Variants in ASH1L observed in about 807,000 individuals in gnomAD.
ASH1L encodes the protein ASH1 like histone lysine methyltransferase.
ASH1L carries 23 observed loss-of-function variants against 269.0 expected under a neutral mutation model. The ratio of observed to expected loss-of-function variants is 0.09; its 90% CI spans 0.06 to 0.12. ASH1L has a LOEUF of 0.12. ASH1L is among the 10% of genes least tolerant of loss of function. ASH1L has a pLI of 1.00. For synonymous variants in ASH1L, 1,187 were observed against 1,253.5 expected (o/e 0.95, Z 1.12); for missense variants, 2,912 against 3,567.8 (o/e 0.82, Z 4.68).
At chr1:155,462,436 T>C (rs1029749608) in intron 3 of ASH1L, among the ~76,000 whole-genome samples, 1 of 152,244 alleles carries the variant, frequency 6.6e-6, no homozygotes, top group African/African-American at 2.4e-5. Context: ...AGAATCACCC[T>C]GCCTGGCCTC....
At chr1:155,434,581 C>T (rs888226301) in intron 5 of ASH1L, among the ~76,000 whole-genome samples, 4 of 151,420 alleles carry the variant, frequency 2.6e-5, no homozygotes, top group Non-Finnish European at 4.4e-5. Flanking sequence ...GGTGGGGCGC[C>T]GTAGCTCACA....
intron 2 of ASH1L, among the ~76,000 whole-genome samples, chr1:155,505,459 C>G (rs1667750011): frequency 6.6e-6 from 1 of 152,140 alleles, no homozygotes; most frequent in South Asian, 2.1e-4. Flanking sequence ...AATGTTGTGA[C>G]TCTGCACTAG....
rs1653683934 is a variant in ASH1L, at chr1:155,349,534, G to A, written c.7421+8C>T. On this transcript the variant is annotated splice_region_variant and intron_variant, in intron 18 of 27. Coordinates refer to ENST00000392403, the MANE Select transcript of ASH1L (RefSeq NM_018489.3). The stretch of plus-strand genomic sequence containing the variant: ...AAACTCAGATGATTCCCACAAATGT[G>A]AACCTACTTTTTCTTTGGGGGAAGG... 1 of 1,613,836 alleles carries A rather than the reference G, an allele frequency of 6.2e-7. No individual in the cohort carries two copies. Among genetic ancestry groups the A allele is most frequent in the African/African-American group, 1.3e-5 (1 of 74,852 alleles).
At position 155,450,111 on chromosome 1, in the gene ASH1L, T is replaced by G. The variant is rs546628755; in HGVS notation, c.5086+9686A>C. On this transcript the variant is annotated intron_variant, in intron 4 of 27. Transcript: ENST00000392403. Reference sequence around the variant, plus strand: ...GACATCATTCCATTGTGTTTTGGCTTGTAAAATTTCTGACAATATGTCTGC... The same window carrying G: ...GACATCATTCCATTGTGTTTTGGCTGGTAAAATTTCTGACAATATGTCTGC... 2.6e-5 allele frequency among the ~76,000 whole-genome samples: 4 copies of G among 152,366 alleles called. No individual in the cohort carries two copies. In the South Asian group the frequency reaches 8.3e-4, roughly 32 times the overall value.
At position 155,401,115 on chromosome 1, in the gene ASH1L, C is replaced by T. The variant is rs560029654; in HGVS notation, c.6009-5562G>A. Among the ~76,000 whole-genome samples, 7 of 151,728 alleles carry T rather than the reference C, an allele frequency of 4.6e-5. No homozygotes were observed. In the South Asian group the frequency reaches 1.2e-3, roughly 27 times the overall value. ...GGTGGAGGTTGCAGTGAGCTGAGATCGTGCCACTGCACGCCAGCCAGGGTG... is the reference window on the plus strand; with the variant it reads ...GGTGGAGGTTGCAGTGAGCTGAGATTGTGCCACTGCACGCCAGCCAGGGTG... On this transcript the variant is annotated intron_variant, in intron 6 of 27. Coordinates refer to ENST00000392403, the MANE Select transcript of ASH1L (RefSeq NM_018489.3).
chr1:155,442,371 T>C (rs1186470758), intron 4 of ASH1L, among the ~76,000 whole-genome samples: 7 of 151,608 alleles, frequency 4.6e-5, no homozygotes, highest in Non-Finnish European at 4.4e-5. Flanking sequence ...GCGGATCAGG[T>C]CAGGAGTTTG....
chr1:155,361,152 G>A (rs1395369401), intron 12 of ASH1L, among the ~76,000 whole-genome samples: 1 of 152,048 alleles, frequency 6.6e-6, no homozygotes, highest in Non-Finnish European at 1.5e-5. Flanking sequence ...GGGAGGCCGA[G>A]GAGGGCAGAT....
intron 6 of ASH1L, among the ~76,000 whole-genome samples, chr1:155,407,875 A>G (rs1485600039): frequency 6.6e-6 from 1 of 152,186 alleles, no homozygotes; most frequent in African/African-American, 2.4e-5. Flanking sequence ...TTGTATTTAT[A>G]TTACATATAT....
chr1:155,391,934 C>T (rs1156376158), intron 7 of ASH1L, among the ~76,000 whole-genome samples: 2 of 151,810 alleles, frequency 1.3e-5, no homozygotes, highest in Non-Finnish European at 2.9e-5. Context: ...TGAGCCTCAA[C>T]AACACAATGA....
At chr1:155,337,889 C>T (rs192203435) in intron 27 of ASH1L, 138 bp from the exon 28 acceptor site, 235 of 1,028,318 alleles carry the variant, frequency 2.3e-4, no homozygotes, top group Non-Finnish European at 3.1e-4. Flanking sequence ...TCCAACCCTA[C>T]GTGAAAAAGG....
intron 10 of ASH1L, among the ~76,000 whole-genome samples, chr1:155,377,268 T>C (rs1175419222): frequency 1.3e-5 from 2 of 152,180 alleles, no homozygotes; most frequent in Admixed American, 1.3e-4. Flanking sequence ...AGAGAGAATA[T>C]ATCCCCATAT....
intron 6 of ASH1L, among the ~76,000 whole-genome samples, chr1:155,405,957 G>A (rs745484830): frequency 1.3e-5 from 2 of 151,560 alleles, no homozygotes; most frequent in Non-Finnish European, 2.9e-5. Context: ...TAATCCCAGC[G>A]GTTTGGGAGG....
chr1:155,392,603 C>T (rs1351258572), intron 7 of ASH1L, among the ~76,000 whole-genome samples: 1 of 152,094 alleles, frequency 6.6e-6, no homozygotes, highest in African/African-American at 2.4e-5. Flanking sequence ...ATTCTCGTGC[C>T]TCAGCCTCTT....
intron 4 of ASH1L, among the ~76,000 whole-genome samples, chr1:155,453,161 C>G (rs1217522490): frequency 6.6e-6 from 1 of 152,032 alleles, no homozygotes; most frequent in East Asian, 1.9e-4. Flanking sequence ...TCAAGATCAG[C>G]CTGGCTAACA....
At chr1:155,470,149 G>C (rs188931520) in intron 3 of ASH1L, among the ~76,000 whole-genome samples, 1 of 152,048 alleles carries the variant, frequency 6.6e-6, no homozygotes, top group South Asian at 2.1e-4. Context: ...AAAATGCCTT[G>C]TAAGTATCTC....
chr1:155,464,151 T>C (rs12724079), intron 3 of ASH1L, among the ~76,000 whole-genome samples: 81,518 of 151,938 alleles, frequency 0.54, 24,645 homozygotes, highest in Middle Eastern at 0.68. Flanking sequence ...TGACAAATGT[T>C]TGCTCATGTC....
chr1:155,337,886 C>T (rs962534898), intron 27 of ASH1L, 135 bp from the exon 28 acceptor site: 11 of 1,036,468 alleles, frequency 1.1e-5, no homozygotes, highest in Non-Finnish European at 1.4e-5. Flanking sequence ...TCCTCCAACC[C>T]TACGTGAAAA....
intron 3 of ASH1L, among the ~76,000 whole-genome samples, chr1:155,468,298 TTGG>T (rs1310410857): frequency 6.6e-6 from 1 of 151,882 alleles, no homozygotes; most frequent in African/African-American, 2.4e-5. Flanking sequence ...TGCCTTATCA[TTGG>T]TGAAGTTAAC....
rs558675162 is a variant in ASH1L at position 155,442,958 on chromosome 1, C to T, written c.5087-3890G>A. Among the ~76,000 whole-genome samples, 4 of 152,290 alleles carry T rather than the reference C, an allele frequency of 2.6e-5. No individual in the cohort carries two copies. In the South Asian group the frequency reaches 6.2e-4, roughly 24 times the overall value. On this transcript the variant is annotated intron_variant, in intron 4 of 27. Transcript: ENST00000392403. Reference sequence around the variant, plus strand: ...CACCCTCTTCATTCTTAATTTAGGTCCCCTATTAAGAATTATCCTAATACT... The same window carrying T: ...CACCCTCTTCATTCTTAATTTAGGTTCCCTATTAAGAATTATCCTAATACT...
Sources: allele counts gnomAD v4.1 joint callset (sites outside exome capture counted in the v4.1 genomes callset), GRCh38; gene constraint gnomAD v4.1.1; transcripts MANE v1.5; gene names NCBI Gene and HGNC (gene_info 2026-07-23, HGNC 2026-07-21).